MPPED1: variants seen among roughly 807,000 people sequenced by gnomAD.
The protein encoded by MPPED1 is metallophosphoesterase domain-containing protein 1.
Under a neutral mutation model 36.2 loss-of-function variants are expected in MPPED1, and 16 were observed. That is an observed-to-expected ratio of 0.44 (90% confidence interval 0.30 to 0.67). The LOEUF (loss-of-function observed/expected upper bound fraction) is 0.67, where lower values mean the gene tolerates loss of function less well. Ranked by LOEUF, MPPED1 falls within the 30% of genes least tolerant of loss-of-function variation. The pLI is 0.10. For synonymous variants in MPPED1, 199 were observed against 191.3 expected, an observed-to-expected ratio of 1.04 and a Z score of -0.33; for missense variants, 307 against 453.4, an observed-to-expected ratio of 0.68 and a Z score of 2.93.
chr22:43,499,801 A>T (rs868274392), intron 5 of MPPED1, among the ~76,000 whole-genome samples: 1 of 7,368 alleles, frequency 1.4e-4, no homozygotes, highest in South Asian at 8.8e-3. Context: ...GTGGTGATGG[A>T]GGTGGTGATG....
intron 4 of MPPED1, among the ~76,000 whole-genome samples, chr22:43,487,161 G>C (rs923297854): frequency 1.3e-4 from 20 of 152,162 alleles, no homozygotes; most frequent in African/African-American, 4.6e-4. Context: ...TTCAGGGATG[G>C]ACCTCAGTCA....
chr22:43,486,402 G>A (rs1481581657), intron 4 of MPPED1, among the ~76,000 whole-genome samples: 3 of 152,170 alleles, frequency 2.0e-5, no homozygotes, highest in Non-Finnish European at 4.4e-5. Flanking sequence ...AAGAACAAAC[G>A]GGTGGGGATC....
chr22:43,493,468 G>A (rs1214223781), intron 4 of MPPED1, among the ~76,000 whole-genome samples: 1 of 152,184 alleles, frequency 6.6e-6, no homozygotes, highest in East Asian at 1.9e-4. Flanking sequence ...ACTGGCAATG[G>A]CAAAGCCCAC....
intron 4 of MPPED1, among the ~76,000 whole-genome samples, chr22:43,485,915 C>T (rs1450937972): frequency 2.6e-5 from 4 of 152,242 alleles, no homozygotes; most frequent in African/African-American, 7.2e-5. Flanking sequence ...TTGCCAGCTC[C>T]GCACTGCCCT....
intron 3 of MPPED1, among the ~76,000 whole-genome samples, chr22:43,438,820 C>G (rs1042581074): frequency 1.3e-5 from 2 of 152,148 alleles, no homozygotes; most frequent in Admixed American, 6.5e-5. Flanking sequence ...CGCTCAAGGG[C>G]CTCCATGAGC....
intron 3 of MPPED1, among the ~76,000 whole-genome samples, chr22:43,471,722 C>T (rs910650714): frequency 2.0e-5 from 3 of 152,198 alleles, no homozygotes; most frequent in African/African-American, 4.8e-5. Flanking sequence ...TGCCTGGTCG[C>T]ACTGTGGGGC....
At chr22:43,491,163 C>G (rs372957237) in intron 4 of MPPED1, among the ~76,000 whole-genome samples, 14 of 152,196 alleles carry the variant, frequency 9.2e-5, no homozygotes, top group African/African-American at 3.4e-4. Flanking sequence ...TTTGAAAGAC[C>G]CTGCTGTAGG....
intron 4 of MPPED1, among the ~76,000 whole-genome samples, chr22:43,496,359 A>T (rs1401087712): frequency 9.8e-5 from 2 of 20,416 alleles, no homozygotes; most frequent in South Asian, 1.6e-3. Context: ...GTGGTGGTGG[A>T]GGTGGTGGTG....
At chr22:43,447,883 A>ATACATATATATATATATATATATT (rs1321289636) in intron 3 of MPPED1, among the ~76,000 whole-genome samples, 1 of 67,738 alleles carries the variant, frequency 1.5e-5, no homozygotes, top group Non-Finnish European at 2.6e-5. Flanking sequence ...ATATATATAT[A>ATACATATATATATATATATATATT]TTTTTTTTTT....
intron 1 of MPPED1, among the ~76,000 whole-genome samples, chr22:43,422,227 C>T (rs896372678): frequency 3.3e-5 from 5 of 152,240 alleles, no homozygotes; most frequent in Non-Finnish European, 5.9e-5. Context: ...GCCACCTACT[C>T]TCTGTGCAAT....
At chr22:43,432,483 G>GGAGA (rs1231094290) in intron 2 of MPPED1, among the ~76,000 whole-genome samples, 1 of 106,026 alleles carries the variant, frequency 9.4e-6, no homozygotes, top group African/African-American at 3.6e-5. Flanking sequence ...GAGAAAGGGA[G>GGAGA]GAGAGAAAGG....
At chr22:43,489,011 G>C (rs1932002586) in intron 4 of MPPED1, among the ~76,000 whole-genome samples, 1 of 152,212 alleles carries the variant, frequency 6.6e-6, no homozygotes, top group South Asian at 2.1e-4. Context: ...CATGTTGGCA[G>C]TGTGGGCAGT....
chr22:43,472,092 G>A (rs182450020), intron 3 of MPPED1, among the ~76,000 whole-genome samples: 8 of 152,328 alleles, frequency 5.3e-5, no homozygotes, highest in Non-Finnish European at 5.9e-5. Context: ...CCAGCTGGAC[G>A]CATTCATCCT....
At chr22:43,486,104 C>T (rs1483096893) in intron 4 of MPPED1, among the ~76,000 whole-genome samples, 1 of 152,234 alleles carries the variant, frequency 6.6e-6, no homozygotes, top group Non-Finnish European at 1.5e-5. Flanking sequence ...GGGACATCCC[C>T]AGGAGACAGA....
At chr22:43,434,084 C>T (rs1000652201) in intron 2 of MPPED1, among the ~76,000 whole-genome samples, 2 of 152,218 alleles carry the variant, frequency 1.3e-5, no homozygotes, top group African/African-American at 2.4e-5. Context: ...TTGCTCAGCC[C>T]GGCTGGATCT....
intron 3 of MPPED1, among the ~76,000 whole-genome samples, chr22:43,440,123 C>T (rs539739177): frequency 2.0e-5 from 3 of 152,356 alleles, no homozygotes; most frequent in East Asian, 1.9e-4. Context: ...ATGCTGACCC[C>T]GCTGACGCAG....
intron 3 of MPPED1, among the ~76,000 whole-genome samples, chr22:43,454,983 T>C (rs1181422549): frequency 6.6e-6 from 1 of 152,200 alleles, no homozygotes; most frequent in Non-Finnish European, 1.5e-5. Flanking sequence ...TGTCTCCCAG[T>C]TCTGGAGGCC....
intron 5 of MPPED1, among the ~76,000 whole-genome samples, chr22:43,500,623 T>G (rs1932705142): frequency 6.6e-6 from 1 of 151,904 alleles, no homozygotes; most frequent in African/African-American, 2.4e-5. Flanking sequence ...TCGGCCCATA[T>G]CAGTGTCTTG....
chr22:43,463,822 TCTTTCTTTC>T (rs1248914660), intron 3 of MPPED1, among the ~76,000 whole-genome samples: 4 of 108,736 alleles, frequency 3.7e-5, no homozygotes, highest in Non-Finnish European at 8.2e-5. Context: ...TTTCTTTCTT[TCTTTCTTTC>T]TTTCTTTCTT....
Sources: gnomAD v4.1 joint callset for allele counts (sites outside exome capture counted in the v4.1 genomes callset) on GRCh38, gnomAD v4.1.1 for gene constraint, MANE v1.5 for transcripts, NCBI Gene and HGNC (gene_info 2026-07-23, HGNC 2026-07-21) for gene names.